Variants in PLAGL1 observed in about 807,000 individuals in gnomAD.
PLAGL1 encodes the protein PLAG1 like zinc finger 1.
Under a neutral mutation model 4.6 loss-of-function variants are expected in PLAGL1, and 1 was observed. The ratio of observed to expected loss-of-function variants is 0.22; its 90% CI spans 0.08 to 1.03. The LOEUF is 1.03. Among genes scored for constraint, PLAGL1 ranks in the 50% least tolerant of loss-of-function variants. PLAGL1 has a pLI of 0.58. For synonymous variants in PLAGL1, 240 were observed against 237.8 expected, an observed-to-expected ratio of 1.01 and a Z score of -0.08; for missense variants, 464 against 570.4, an observed-to-expected ratio of 0.81 and a Z score of 1.90.
At chr6:144,024,445 C>T (rs571423766) in intron 1 of PLAGL1, among the ~76,000 whole-genome samples, 1 of 152,222 alleles carries the variant, frequency 6.6e-6, no homozygotes, top group African/African-American at 2.4e-5. Context: ...CCATACTGTT[C>T]TTGTGGTAGT....
At position 144,056,257 on chromosome 6, in the gene PLAGL1, G is replaced by A. The variant is rs1286930026; in HGVS notation, c.-151+8211C>T. On this transcript the variant is annotated intron_variant, in intron 1 of 3. Coordinates refer to the PLAGL1 transcript ENST00000437412. The surrounding 1 kb of genome is among the most constrained non-coding windows in gnomAD (Gnocchi z 4.7). Reference sequence around the variant, plus strand: ...CTTACATGTCCCATCCCCCACACACGCACAGCCTCCCCTATTACCGGCATC... The same window carrying A: ...CTTACATGTCCCATCCCCCACACACACACAGCCTCCCCTATTACCGGCATC... 3.3e-5 allele frequency among the ~76,000 whole-genome samples: 5 copies of A among 152,046 alleles called. No individual in the cohort carries two copies. Among genetic ancestry groups the A allele is most frequent in the Non-Finnish European group, 7.4e-5 (5 of 68,012 alleles).
intron 1 of PLAGL1, among the ~76,000 whole-genome samples, chr6:143,987,737 G>A (rs117995504): frequency 0.015 from 2,223 of 152,124 alleles, 30 homozygotes; most frequent in Admixed American, 0.034. Context: ...CTAGAGTTAA[G>A]ACTTTTATAA....
intron 1 of PLAGL1, among the ~76,000 whole-genome samples, chr6:144,043,603 C>T (rs970111846): frequency 5.9e-5 from 9 of 151,840 alleles, no homozygotes; most frequent in African/African-American, 2.2e-4. Flanking sequence ...ATTTTCGCAT[C>T]GATGTTCATC....
Position 144,055,599 on chromosome 6 carries a change from C to A in PLAGL1, c.-151+8869G>T, listed in dbSNP as rs1798908429. Among the ~76,000 whole-genome samples the A allele has an allele frequency of 6.6e-6, 1 of 152,148 alleles. No homozygotes were observed. The highest frequency in any genetic ancestry group is 1.5e-5 in the Non-Finnish European group (1 of 68,028). On this transcript the variant is annotated intron_variant, in intron 1 of 3. Coordinates refer to the PLAGL1 transcript ENST00000437412. This position sits in a 1 kb window ranked among gnomAD's most constrained non-coding sequence, Gnocchi z 5.0. The stretch of plus-strand genomic sequence containing the variant: ...GTCTCTTCCATTGATGGCCCTTGTG[C>A]TGGTCCATCTCTGCTCTGCCCCAAC...
Position 144,027,292 on chromosome 6 carries a change from A to AAAGAAAGAAAGAAAGAAAGAAAGAGT in PLAGL1, c.-151+37175_-151+37176insACTCTTTCTTTCTTTCTTTCTTTCTT, listed in dbSNP as rs752733300. Among the ~76,000 whole-genome samples the AAAGAAAGAAAGAAAGAAAGAAAGAGT allele has an allele frequency of 7.0e-6, 1 of 142,492 alleles. No homozygotes were observed. The highest frequency in any genetic ancestry group is 1.5e-5 in the Non-Finnish European group (1 of 65,024). 93.5% of individuals were successfully genotyped at this position (142,492 alleles called of 152,430 possible). On this transcript the variant is annotated intron_variant, in intron 1 of 3. Transcript: ENST00000437412. This position sits in a 1 kb window ranked among gnomAD's most constrained non-coding sequence, Gnocchi z 5.8. ...GAAAGAAAGAAAGAAAGAAAGAAAG[A>AAAGAAAGAAAGAAAGAAAGAAAGAGT]AAGTTATTTGATCTGAAGTACAATG... is the stretch of plus-strand genomic sequence containing the variant.
rs1006120656 is a variant in PLAGL1 at position 144,061,343 on chromosome 6, C to T, written c.-151+3125G>A. 6.6e-6 allele frequency among the ~76,000 whole-genome samples: 1 copy of T among 152,206 alleles called. No homozygotes were observed. Among genetic ancestry groups the T allele is most frequent in the Non-Finnish European group, 1.5e-5 (1 of 68,048 alleles). ...ATTTCTTTCTACAACTGGAACAGGA[C>T]AGTCTATCTGTGCAACCTACCAAGT... On this transcript the variant is annotated intron_variant, in intron 1 of 3. Coordinates refer to the PLAGL1 transcript ENST00000437412. The surrounding 1 kb of genome is among the most constrained non-coding windows in gnomAD (Gnocchi z 4.4).
upstream of PLAGL1, among the ~76,000 whole-genome samples, chr6:144,013,109 A>T (rs542870896): frequency 2.6e-4 from 39 of 152,340 alleles, no homozygotes; most frequent in African/African-American, 8.4e-4. The surrounding 1 kb of genome is among the most constrained non-coding windows in gnomAD (Gnocchi z 4.4). Context: ...CAAATTCCAT[A>T]ATCACACTTT....
intron 1 of PLAGL1, among the ~76,000 whole-genome samples, chr6:144,026,289 G>A (rs552241874): frequency 6.0e-4 from 92 of 152,220 alleles, no homozygotes; most frequent in African/African-American, 2.0e-3. Context: ...AAGGAGCTTC[G>A]GTTTAGCAGA....
At position 144,008,212 on chromosome 6, in the gene PLAGL1, A is replaced by T. The variant is rs1794763125; in HGVS notation, c.-706T>A. On this transcript the variant is annotated 5_prime_UTR_variant, in exon 1 of 8. Transcript: ENST00000674357. The surrounding 1 kb of genome is among the most constrained non-coding windows in gnomAD (Gnocchi z 6.9). ...GGCCCCGCGCTGCTGAGCTGTGAGC[A>T]CGGCTGCCCCGTCCGTCCGTCCGTC... 1 of 151,952 alleles carries T rather than the reference A, an allele frequency of 6.6e-6. No homozygotes were observed. The highest frequency in any genetic ancestry group is 2.4e-5 in the African/African-American group (1 of 41,390). 9.4% of individuals were successfully genotyped at this position (151,952 alleles called of 1,614,324 possible). A position where few individuals can be genotyped will look rare whatever the true frequency, so the allele number is the denominator to read the frequency against.
Position 143,941,664 on chromosome 6 carries a change from C to T in PLAGL1, c.1152G>A (p.Leu384=). The change falls in exon 8 of 8, where the codon TTG becomes TTA. Residue 384 remains leucine (L), a synonymous_variant. Transcript: ENST00000674357. This position sits in a 1 kb window ranked among gnomAD's most constrained non-coding sequence, Gnocchi z 6.0. ...IPASLDLSPL[L]GFWQLPPPAT... is the part of the protein sequence containing the mutation. The stretch of plus-strand genomic sequence containing the variant: ...CAGGAGGGGGCAGCTGCCAGAAGCC[C>T]AACAGGGGGGACAGGTCCAGAGAGG... The T allele has an allele frequency of 5.0e-6, 8 of 1,614,164 alleles. No individual in the cohort carries two copies. The highest frequency in any genetic ancestry group is 1.3e-5 in the African/African-American group (1 of 75,030).
intron 1 of PLAGL1, chr6:144,007,638 G>C (rs1199596284): frequency 6.6e-6 from 1 of 152,206 alleles, no homozygotes; most frequent in Non-Finnish European, 1.5e-5. Context: ...TTAAGAGTAT[G>C]TCTGATACAG....
chr6:144,021,158 T>A (rs552829789), intron 1 of PLAGL1, among the ~76,000 whole-genome samples: 59 of 152,112 alleles, frequency 3.9e-4, no homozygotes, highest in African/African-American at 1.3e-3. Context: ...GAAACAGAAC[T>A]AAACGGGTAA....
chr6:144,030,976 C>T (rs1796780567), intron 1 of PLAGL1, among the ~76,000 whole-genome samples: 1 of 152,168 alleles, frequency 6.6e-6, no homozygotes, highest in Non-Finnish European at 1.5e-5. Flanking sequence ...TACATTCCCG[C>T]CAACAATATA....
chr6:143,972,630 A>G lies in PLAGL1; in HGVS notation c.-543-3652T>C, dbSNP rs1169464422. On this transcript the variant is annotated intron_variant, in intron 2 of 7. Coordinates refer to ENST00000674357, the MANE Select transcript of PLAGL1 (RefSeq NM_001317162.2). The surrounding 1 kb of genome is among the most constrained non-coding windows in gnomAD (Gnocchi z 6.8). ...TGTAATATTCCCATGCAATACACAC[A>G]ATCCAGAATGGCATGAATCACTGGC... Among the ~76,000 whole-genome samples, 1 of 152,212 alleles carries G rather than the reference A, an allele frequency of 6.6e-6. No individual in the cohort carries two copies. Among genetic ancestry groups the G allele is most frequent in the Non-Finnish European group, 1.5e-5 (1 of 68,042 alleles).
Position 143,964,506 on chromosome 6 carries a change from G to A in PLAGL1, c.-399+281C>T, listed in dbSNP as rs1784030871. On this transcript the variant is annotated intron_variant, in intron 5 of 7. Transcript: ENST00000674357. This position sits in a 1 kb window ranked among gnomAD's most constrained non-coding sequence, Gnocchi z 4.3. ...GCTTCTTGCATAGTTGACACTCTGAGGTGAAATGCAGACTTGTGGGGCACC... is the reference window on the plus strand; with the variant it reads ...GCTTCTTGCATAGTTGACACTCTGAAGTGAAATGCAGACTTGTGGGGCACC... Among the ~76,000 whole-genome samples, 1 of 152,206 alleles carries A rather than the reference G, an allele frequency of 6.6e-6. No individual in the cohort carries two copies. The highest frequency in any genetic ancestry group is 6.5e-5 in the Admixed American group (1 of 15,284).
intron 1 of PLAGL1, among the ~76,000 whole-genome samples, chr6:144,031,370 T>C (rs997856353): frequency 7.9e-5 from 12 of 152,216 alleles, no homozygotes; most frequent in Non-Finnish European, 4.4e-5. Context: ...CCCATCTATT[T>C]ATATTTGTTT....
intron 1 of PLAGL1, among the ~76,000 whole-genome samples, chr6:143,988,908 G>A (rs1043608669): frequency 6.6e-6 from 1 of 152,094 alleles, no homozygotes; most frequent in Non-Finnish European, 1.5e-5. Flanking sequence ...TTAGGATTAG[G>A]GTTTCAACAC....
In PLAGL1 at chr6:143,959,297, C is replaced by G. The variant is rs1031826908; in HGVS notation, c.-325+1172G>C. The stretch of plus-strand genomic sequence containing the variant: ...AAGGCCTGCTGTGTTAGCCACACCC[C>G]ACCTGTTCGCAGCCCATGGACTCGC... On this transcript the variant is annotated intron_variant, in intron 6 of 7. Coordinates refer to ENST00000674357, the MANE Select transcript of PLAGL1 (RefSeq NM_001317162.2). The surrounding 1 kb of genome is among the most constrained non-coding windows in gnomAD (Gnocchi z 5.3). Among the ~76,000 whole-genome samples, 6 of 152,166 alleles carry G rather than the reference C, an allele frequency of 3.9e-5. No homozygotes were observed. The highest frequency in any genetic ancestry group is 7.2e-5 in the African/African-American group (3 of 41,426).
upstream of PLAGL1, among the ~76,000 whole-genome samples, chr6:144,010,980 A>T (rs1015113854): frequency 3.3e-5 from 5 of 152,200 alleles, no homozygotes; most frequent in African/African-American, 1.2e-4. This position sits in a 1 kb window ranked among gnomAD's most constrained non-coding sequence, Gnocchi z 4.1. Context: ...GACTTAAAAC[A>T]TCAGACCTAA....
Sources: allele counts gnomAD v4.1 joint callset (sites outside exome capture counted in the v4.1 genomes callset), GRCh38; gene constraint gnomAD v4.1.1; non-coding constraint Gnocchi (gnomAD v3.1); transcripts MANE v1.5; gene names NCBI Gene and HGNC (gene_info 2026-07-23, HGNC 2026-07-21).